Variants in ZNF471 observed in about 807,000 individuals in gnomAD.
The protein encoded by ZNF471 is EZFIT-related protein 1.
A neutral mutation model predicts 13.7 loss-of-function variants in ZNF471; 7 were observed. The ratio of observed to expected loss-of-function variants is 0.51; its 90% CI spans 0.29 to 0.96. The LOEUF is 0.96. Ranked by LOEUF, ZNF471 falls within the 40% of genes least tolerant of loss-of-function variation. The pLI, the probability that ZNF471 is intolerant of heterozygous loss-of-function variation, is 0.08. For missense variants in ZNF471, 663 were observed against 743.3 expected, an observed-to-expected ratio of 0.89 and a Z score of 1.26; for synonymous variants, 218 against 235.6, an observed-to-expected ratio of 0.93 and a Z score of 0.68.
intron 4 of ZNF471, among the ~76,000 whole-genome samples, chr19:56,523,496 T>G (rs2044001485): frequency 6.6e-6 from 1 of 152,144 alleles, no homozygotes; most frequent in Admixed American, 6.5e-5. Flanking sequence ...TTTGCTGTAT[T>G]GAAACATGTA....
Position 56,510,676 on chromosome 19 carries a change from A to G in ZNF471, c.-55-841A>G. 2 of 985,586 alleles carry G rather than the reference A, an allele frequency of 2.0e-6. No individual in the cohort carries two copies. Among genetic ancestry groups the G allele is most frequent in the Non-Finnish European group, 1.2e-6 (1 of 829,976 alleles). 61.1% of individuals were successfully genotyped at this position (985,586 alleles called of 1,614,324 possible). ...TGTTTGTATGTCACCCTGTATACCC[A>G]TAATTGTGGCCCTGTATGACTGCTG... On this transcript the variant is annotated intron_variant, in intron 1 of 4. Coordinates refer to ENST00000308031, the MANE Select transcript of ZNF471 (RefSeq NM_020813.4). This position sits in a 1 kb window ranked among gnomAD's most constrained non-coding sequence, Gnocchi z 4.3.
chr19:56,510,528 T>C lies in ZNF471; in HGVS notation c.-55-989T>C. ...AAGATTGGGGGTATGTGTGAAGGTG[T>C]TGGTGAATCACCACGTGTGCTTATA... On this transcript the variant is annotated intron_variant, in intron 1 of 4. Coordinates refer to ENST00000308031, the MANE Select transcript of ZNF471 (RefSeq NM_020813.4). This position sits in a 1 kb window ranked among gnomAD's most constrained non-coding sequence, Gnocchi z 4.3. The C allele has an allele frequency of 1.0e-6, 1 of 985,692 alleles. No homozygotes were observed. The highest frequency in any genetic ancestry group is 4.7e-5 in the South Asian group (1 of 21,280). 61.1% of individuals were successfully genotyped at this position (985,692 alleles called of 1,614,324 possible).
Position 56,525,991 on chromosome 19 carries a change from C to T in ZNF471, c.*43C>T. ...CCAAGCCTTTAGTTATCACCAATCC[C>T]CTACTGTTAATCAGAGATGTCCCAC... On this transcript the variant is annotated 3_prime_UTR_variant, in exon 5 of 5. Coordinates refer to ENST00000308031, the MANE Select transcript of ZNF471 (RefSeq NM_020813.4). 1.3e-6 allele frequency: 2 copies of T among 1,488,146 alleles called. No individual in the cohort carries two copies. The highest frequency in any genetic ancestry group is 2.8e-5 in the South Asian group (2 of 71,488). The allele number at this position is 1,488,146 out of a possible 1,614,324, so 92.2% of individuals were successfully genotyped here.
At position 56,524,206 on chromosome 19, in the gene ZNF471, C is replaced by T. The variant is rs372803736; in HGVS notation, c.257-118C>T. 21 of 709,676 alleles carry T rather than the reference C, an allele frequency of 3.0e-5. No homozygotes were observed. The highest frequency in any genetic ancestry group is 2.6e-4 in the East Asian group (9 of 34,828). The allele number at this position is 709,676 out of a possible 1,614,324, so 44.0% of individuals were successfully genotyped here. On this transcript the variant is annotated intron_variant, in intron 4 of 4. Coordinates refer to ENST00000308031, the MANE Select transcript of ZNF471 (RefSeq NM_020813.4). This position sits in a 1 kb window ranked among gnomAD's most constrained non-coding sequence, Gnocchi z 4.8. ...CCTGAATGTTTTCCAGTTGACATGCCTGTACATAACAGGTTTTGTGAGATT... is the reference window on the plus strand; with the variant it reads ...CCTGAATGTTTTCCAGTTGACATGCTTGTACATAACAGGTTTTGTGAGATT...
chr19:56,511,735 A>G, intron 2 of ZNF471, 131 bp downstream of exon 2: 1 of 699,122 alleles, frequency 1.4e-6, no homozygotes, highest in Non-Finnish European at 2.5e-6. Flanking sequence ...CTCAGGGGCC[A>G]CTGTCTTTAA....
chr19:56,511,773 G>T (rs1471724543), intron 2 of ZNF471, among the ~76,000 whole-genome samples, 169 bp downstream of exon 2: 2 of 152,176 alleles, frequency 1.3e-5, no homozygotes, highest in Non-Finnish European at 2.9e-5. Flanking sequence ...GTGAGTAATA[G>T]CTTAGTATAA....
rs2044036115 is a variant in ZNF471, at chr19:56,525,612, T to C, written c.1545T>C (p.Tyr515=). Reference sequence around the variant, plus strand: ...GAATTCATACTGGAGAGAAGCCTTATGAATGTATTGAATGTGGAAATGCTT... The same window carrying C: ...GAATTCATACTGGAGAGAAGCCTTACGAATGTATTGAATGTGGAAATGCTT... ...HQRIHTGEKP[Y]ECIECGNAFK... is the part of the protein sequence containing the mutation. The change falls in exon 5 of 5, where the codon TAT becomes TAC. Residue 515 remains tyrosine (Y), a synonymous_variant. Coordinates refer to ENST00000308031, the MANE Select transcript of ZNF471 (RefSeq NM_020813.4). 1 of 1,614,182 alleles carries C rather than the reference T, an allele frequency of 6.2e-7. No homozygotes were observed. The highest frequency in any genetic ancestry group is 1.3e-5 in the African/African-American group (1 of 75,038).
Position 56,516,994 on chromosome 19 carries a change from A to AT in ZNF471, c.160+596dup, listed in dbSNP as rs1464830441. Among the ~76,000 whole-genome samples, 1 of 152,032 alleles carries AT rather than the reference A, an allele frequency of 6.6e-6. No individual in the cohort carries two copies. On this transcript the variant is annotated intron_variant, in intron 3 of 4. Transcript: ENST00000308031. This position sits in a 1 kb window ranked among gnomAD's most constrained non-coding sequence, Gnocchi z 4.4. ...CAAATTTGGGAGATTTTTAGCCATT[A>AT]TTTCTTCAAATCTTTTTTTCTGTTC...
intron 4 of ZNF471, among the ~76,000 whole-genome samples, chr19:56,519,385 A>C (rs1039727860): frequency 1.1e-4 from 16 of 152,156 alleles, no homozygotes; most frequent in African/African-American, 3.9e-4. Context: ...GTCTATCCTG[A>C]ATATCAAATC....
At position 56,524,850 on chromosome 19, in the gene ZNF471, CTT is replaced by C. The variant is rs759649486; in HGVS notation, c.785_786del (p.Phe262Ter). 76 of 1,610,776 alleles carry C rather than the reference CTT, an allele frequency of 4.7e-5. No homozygotes were observed. Among genetic ancestry groups the C allele is most frequent in the East Asian group, 1.1e-4 (5 of 44,864 alleles). ...ACAGAACACATACTGGAGAGAAACT[CTT>C]TGAATGTAAAGAATGTAGGAAAGCC... Reference protein sequence around the residue: ...HHRTHTGEKLFECKECRKAFK... With the variant: ...HHRTHTGEKLXECKECRKAFK... On this transcript the variant is annotated frameshift_variant, in exon 5 of 5. Coordinates refer to ENST00000308031, the MANE Select transcript of ZNF471 (RefSeq NM_020813.4). LOFTEE classifies it low-confidence loss of function (END_TRUNC). This position sits in a 1 kb window ranked among gnomAD's most constrained non-coding sequence, Gnocchi z 4.8.
intron 4 of ZNF471, among the ~76,000 whole-genome samples, chr19:56,521,651 A>AAAC: frequency 6.8e-6 from 1 of 146,372 alleles, no homozygotes; most frequent in Non-Finnish European, 1.5e-5. Flanking sequence ...AAAAAAAAAA[A>AAAC]AAAAAAAACT....
Position 56,516,549 on chromosome 19 carries a change from T to C in ZNF471, c.160+148T>C, listed in dbSNP as rs2147913394. The C allele has an allele frequency of 1.4e-6, 1 of 716,410 alleles. No homozygotes were observed. The highest frequency in any genetic ancestry group is 2.2e-6 in the Non-Finnish European group (1 of 458,408). 44.4% of individuals were successfully genotyped at this position (716,410 alleles called of 1,614,324 possible). A position where few individuals can be genotyped will look rare whatever the true frequency, so the allele number is the denominator to read the frequency against. On this transcript the variant is annotated intron_variant, in intron 3 of 4. Coordinates refer to ENST00000308031, the MANE Select transcript of ZNF471 (RefSeq NM_020813.4). The surrounding 1 kb of genome is among the most constrained non-coding windows in gnomAD (Gnocchi z 4.4). ...AGGATATTGAGGGACTGAAGAAAACTTGAGATTTAGAGTTAGTGAATTTGG... is the reference window on the plus strand; with the variant it reads ...AGGATATTGAGGGACTGAAGAAAACCTGAGATTTAGAGTTAGTGAATTTGG...
At chr19:56,512,271 C>T (rs1472851218) in intron 2 of ZNF471, among the ~76,000 whole-genome samples, 1 of 143,180 alleles carries the variant, frequency 7.0e-6, no homozygotes, top group Non-Finnish European at 1.6e-5. Context: ...TACTTTCTTC[C>T]CTTCAAAGTT....
Position 56,528,057 on chromosome 19 carries a change from G to GA in ZNF471, c.*2120dup, listed in dbSNP as rs879746295. ...ACATTAACAATAGCTGATGAGCTAA[G>GA]AAAAAAAAAAAGTCTGTGCATAGTT... is the stretch of plus-strand genomic sequence containing the variant. On this transcript the variant is annotated 3_prime_UTR_variant, in exon 5 of 5. Transcript: ENST00000308031. 133 of 144,058 alleles carry GA rather than the reference G, an allele frequency of 9.2e-4. No individual in the cohort carries two copies. The highest frequency in any genetic ancestry group is 2.7e-3 in the African/African-American group (105 of 39,360). The allele number at this position is 144,058 out of a possible 1,614,324, so 8.9% of individuals were successfully genotyped here.
chr19:56,525,098 G>A lies in ZNF471; in HGVS notation c.1031G>A (p.Arg344Lys), dbSNP rs1358417514. 1.2e-6 allele frequency: 2 copies of A among 1,613,974 alleles called. No homozygotes were observed. Among genetic ancestry groups the A allele is most frequent in the Admixed American group, 1.7e-5 (1 of 60,012 alleles). ...ARHQRCHTGK[R>K]PYECIECGKA... ...CATCAGAGATGTCACACTGGCAAAA[G>A]ACCCTATGAATGTATTGAGTGTGGG... Residue 344 changes from arginine (R) to lysine (K), a missense_variant, in exon 5 of 5, where the codon AGA becomes AAA. Transcript: ENST00000308031.
chr19:56,511,332 AATTT>A (rs2043808303), intron 1 of ZNF471, among the ~76,000 whole-genome samples, 181 bp from the exon 2 acceptor site: 1 of 151,816 alleles, frequency 6.6e-6, no homozygotes. Context: ...AAAAAGATTA[AATTT>A]AGGACCTCAA....
chr19:56,517,940 T>C (rs997630791), intron 3 of ZNF471, among the ~76,000 whole-genome samples: 2 of 152,230 alleles, frequency 1.3e-5, no homozygotes, highest in African/African-American at 4.8e-5. Flanking sequence ...TATTTGCCTT[T>C]ATATTCTTAA....
chr19:56,518,476 A>G lies in ZNF471; in HGVS notation c.161-6A>G, dbSNP rs952126265. On this transcript the variant is annotated splice_polypyrimidine_tract_variant and splice_region_variant and intron_variant, in intron 3 of 4. Coordinates refer to ENST00000308031, the MANE Select transcript of ZNF471 (RefSeq NM_020813.4). Reference sequence around the variant, plus strand: ...ACCAATTTTCATGTCTTTTTTTTATATGTAGGTCTTTGCATTTCTAAGCCA... The same window carrying G: ...ACCAATTTTCATGTCTTTTTTTTATGTGTAGGTCTTTGCATTTCTAAGCCA... 7 of 1,609,660 alleles carry G rather than the reference A, an allele frequency of 4.3e-6. No individual in the cohort carries two copies. The highest frequency in any genetic ancestry group is 1.3e-5 in the African/African-American group (1 of 74,648).
rs766723772 is a variant in ZNF471, at chr19:56,525,832, C to T, written c.1765C>T (p.His589Tyr). ...TAGTGATAGCTCATCCTGTGCTCAGCATCAAAGACTCCACACTGGCCAAAG... is the reference window on the plus strand; with the variant it reads ...TAGTGATAGCTCATCCTGTGCTCAGTATCAAAGACTCCACACTGGCCAAAG... ...AFSDSSSCAQHQRLHTGQRPY... is the reference protein window; with the variant it reads ...AFSDSSSCAQYQRLHTGQRPY... The change falls in exon 5 of 5, where the codon CAT (histidine) becomes TAT (tyrosine). Residue 589 changes from histidine to tyrosine, a missense_variant. Transcript: ENST00000308031. 6.2e-7 allele frequency: 1 copy of T among 1,614,116 alleles called. No homozygotes were observed. Among genetic ancestry groups the T allele is most frequent in the Non-Finnish European group, 8.5e-7 (1 of 1,180,012 alleles).
Sources: allele counts gnomAD v4.1 joint callset (sites outside exome capture counted in the v4.1 genomes callset), GRCh38; gene constraint gnomAD v4.1.1; non-coding constraint Gnocchi (gnomAD v3.1); transcripts MANE v1.5; gene names NCBI Gene and HGNC (gene_info 2026-07-23, HGNC 2026-07-21).